The following INTS4 variants were observed in gnomAD, a reference collection of about 807,000 sequenced individuals.
The protein encoded by INTS4 is MSTP093.
A neutral mutation model predicts 119.5 loss-of-function variants in INTS4; 70 were observed. That is an observed-to-expected ratio of 0.59 (90% confidence interval 0.48 to 0.71). The LOEUF is 0.71. INTS4 is among the 30% of genes least tolerant of loss of function. The probability of loss-of-function intolerance (pLI) is 0.00; values close to 1 mark genes in which losing one functional copy is unlikely to be tolerated. For synonymous variants in INTS4, 316 were observed against 419.6 expected (o/e 0.75, Z 3.02); for missense variants, 867 against 1,173.2 (o/e 0.74, Z 3.81).
intron 1 of INTS4, among the ~76,000 whole-genome samples, chr11:77,993,891 C>G (rs1281165113): frequency 6.6e-6 from 1 of 152,082 alleles, no homozygotes; most frequent in Non-Finnish European, 1.5e-5. Flanking sequence ...ACATTAATAT[C>G]TGAGAAATAG....
At chr11:77,923,896 C>G (rs573022498) in intron 12 of INTS4, among the ~76,000 whole-genome samples, 2 of 150,634 alleles carry the variant, frequency 1.3e-5, no homozygotes, top group Non-Finnish European at 3.0e-5. Context: ...TCCCAAGTAT[C>G]TGGGATTACA....
intron 10 of INTS4, among the ~76,000 whole-genome samples, chr11:77,930,332 T>C (rs767351803): frequency 4.6e-5 from 7 of 152,266 alleles, no homozygotes; most frequent in Non-Finnish European, 8.8e-5. Context: ...ATTCAGGTTT[T>C]TCTTGGTAGT....
intron 21 of INTS4, among the ~76,000 whole-genome samples, chr11:77,887,735 A>C (rs1952078310): frequency 6.6e-6 from 1 of 152,200 alleles, no homozygotes; most frequent in Non-Finnish European, 1.5e-5. Flanking sequence ...CTCAGGATAC[A>C]AAATCAATGT....
chr11:77,916,091 ATGTAACATTC>A (rs972829314), intron 15 of INTS4, among the ~76,000 whole-genome samples: 1 of 152,236 alleles, frequency 6.6e-6, no homozygotes, highest in African/African-American at 2.4e-5. Flanking sequence ...TCTGTGAGCC[ATGTAACATTC>A]TGTAATAAAT....
intron 18 of INTS4, chr11:77,900,617 C>T (rs1473190528): frequency 2.9e-6 from 2 of 699,678 alleles, no homozygotes; most frequent in Non-Finnish European, 5.2e-6. Context: ...CAATGAGTCA[C>T]CTAAGTACTT....
chr11:77,957,636 AGTTTATTATCTTCT>A (rs58964853), intron 7 of INTS4, among the ~76,000 whole-genome samples: 18,178 of 148,150 alleles, frequency 0.12, 1,288 homozygotes, highest in East Asian at 0.24. Flanking sequence ...CATATCCTTA[AGTTTATTATCTTCT>A]GTAACTGAAC....
chr11:77,909,401 AC>A (rs1163576747), intron 15 of INTS4, among the ~76,000 whole-genome samples: 1 of 152,198 alleles, frequency 6.6e-6, no homozygotes, highest in Non-Finnish European at 1.5e-5. Flanking sequence ...AAATCAAGAC[AC>A]CTACAGATTT....
intron 9 of INTS4, among the ~76,000 whole-genome samples, chr11:77,940,506 C>T (rs932024921): frequency 6.6e-6 from 1 of 152,122 alleles, no homozygotes; most frequent in Admixed American, 6.5e-5. Context: ...ACTCAGTCTT[C>T]CATGGTAACT....
chr11:77,910,526 G>A (rs1187835989), intron 15 of INTS4, among the ~76,000 whole-genome samples: 1 of 151,452 alleles, frequency 6.6e-6, no homozygotes, highest in Admixed American at 6.6e-5. Context: ...ACACCAACAT[G>A]GCACATGTAT....
rs117342389 is a variant in INTS4, at chr11:77,967,581, C to T, written c.472-6443G>A. Among the ~76,000 whole-genome samples, 1,363 of 152,238 alleles carry T rather than the reference C, an allele frequency of 9.0e-3. 8 individuals carry two copies. Among genetic ancestry groups the T allele is most frequent in the Middle Eastern group, 0.02 (6 of 294 alleles). On this transcript the variant is annotated intron_variant, in intron 4 of 22. Transcript: ENST00000534064. ...GATCAAATAACTCTATAATCAAAAC[C>T]TGGCAGACACCACCTAAGCCAAGTA...
chr11:77,919,830 A>G (rs1000418583), intron 14 of INTS4, among the ~76,000 whole-genome samples: 1 of 152,062 alleles, frequency 6.6e-6, no homozygotes, highest in African/African-American at 2.4e-5. Context: ...TTTTTTTGAG[A>G]TGGAGTCTCG....
At position 77,912,603 on chromosome 11, in the gene INTS4, G is replaced by T. The variant is rs190013730; in HGVS notation, c.1923-4793C>A. ...ATTCTGGATGTGCAAATCAAATGTA[G>T]TTTATTTTTTTCAATCTCTTAGAAT... On this transcript the variant is annotated intron_variant, in intron 15 of 22. Transcript: ENST00000534064. Among the ~76,000 whole-genome samples, 7 of 152,192 alleles carry T rather than the reference G, an allele frequency of 4.6e-5. No individual in the cohort carries two copies. In the East Asian group the frequency reaches 1.3e-3, roughly 29 times the overall value.
chr11:77,967,650 A>G (rs779875920), intron 4 of INTS4, among the ~76,000 whole-genome samples: 46 of 152,142 alleles, frequency 3.0e-4, no homozygotes, highest in Non-Finnish European at 6.0e-4. Context: ...TCTGTGCCTC[A>G]TGATGTTATA....
downstream of INTS4, among the ~76,000 whole-genome samples, chr11:77,878,163 C>G (rs530297438): frequency 5.7e-4 from 86 of 152,112 alleles, no homozygotes; most frequent in Non-Finnish European, 8.5e-4. Context: ...GAGATCAAGA[C>G]CATCCTGGCT....
intron 15 of INTS4, among the ~76,000 whole-genome samples, chr11:77,917,318 T>C (rs1202104782): frequency 1.4e-5 from 2 of 146,104 alleles, no homozygotes; most frequent in Non-Finnish European, 3.0e-5. Context: ...TTTCCTTCTT[T>C]CTTTTTTTTT....
At chr11:77,937,039 G>A (rs1394717951) in intron 10 of INTS4, among the ~76,000 whole-genome samples, 1 of 151,952 alleles carries the variant, frequency 6.6e-6, no homozygotes, top group Non-Finnish European at 1.5e-5. Flanking sequence ...GCCGAGAGTG[G>A]TCGCGGGCAC....
chr11:77,958,186 T>C (rs988205792), intron 7 of INTS4, among the ~76,000 whole-genome samples: 1 of 151,584 alleles, frequency 6.6e-6, no homozygotes, highest in Non-Finnish European at 1.5e-5. Flanking sequence ...CTTTTTCCTA[T>C]ACAAGGAAAA....
chr11:77,981,739 T>TATTTA (rs1555044690), intron 2 of INTS4, among the ~76,000 whole-genome samples, 163 bp from the exon 3 acceptor site: 1 of 149,852 alleles, frequency 6.7e-6, no homozygotes, highest in African/African-American at 2.5e-5. Flanking sequence ...GACAGCTTTC[T>TATTTA]TTTATTTATT....
intron 10 of INTS4, among the ~76,000 whole-genome samples, chr11:77,932,281 C>A (rs1410143016): frequency 1.3e-5 from 2 of 152,098 alleles, no homozygotes; most frequent in Non-Finnish European, 2.9e-5. Flanking sequence ...ATGACCCCAT[C>A]AAAAAGTGGG....
Sources: gnomAD v4.1 joint callset for allele counts (sites outside exome capture counted in the v4.1 genomes callset) on GRCh38, gnomAD v4.1.1 for gene constraint, MANE v1.5 for transcripts, NCBI Gene and HGNC (gene_info 2026-07-23, HGNC 2026-07-21) for gene names.